Variants in TSHZ2 observed in about 807,000 individuals in gnomAD.
TSHZ2 encodes the protein teashirt zinc finger homeobox 2.
In TSHZ2, 21 loss-of-function variants were observed where a neutral mutation model predicts 74.4. The observed-to-expected ratio is 0.28, with a 90% CI of 0.20 to 0.41. The LOEUF is 0.41. TSHZ2 is among the 10% of genes least tolerant of loss of function. TSHZ2 has a pLI of 1.00. For missense variants in TSHZ2, 1,244 were observed against 1,293.5 expected, an observed-to-expected ratio of 0.96 and a Z score of 0.59; for synonymous variants, 540 against 515.3, an observed-to-expected ratio of 1.05 and a Z score of -0.65.
chr20:53,435,582 T>G (rs533840056), intron 2 of TSHZ2, among the ~76,000 whole-genome samples: 4 of 152,216 alleles, frequency 2.6e-5, no homozygotes, highest in Admixed American at 6.5e-5. Flanking sequence ...GGCGCGATCT[T>G]GGCTCACTGC....
At chr20:53,430,062 A>T (rs1346465434) in intron 2 of TSHZ2, among the ~76,000 whole-genome samples, 2 of 152,124 alleles carry the variant, frequency 1.3e-5, no homozygotes, top group African/African-American at 2.4e-5. Context: ...CCTACTATAT[A>T]TCTATGATTC....
chr20:53,372,433 C>T (rs1981509589), intron 2 of TSHZ2, among the ~76,000 whole-genome samples: 2 of 151,870 alleles, frequency 1.3e-5, no homozygotes, highest in Admixed American at 1.3e-4. Flanking sequence ...TCGGAGATCA[C>T]ACCACTACAC....
At chr20:53,218,239 G>A (rs1989479136) in intron 1 of TSHZ2, among the ~76,000 whole-genome samples, 1 of 152,190 alleles carries the variant, frequency 6.6e-6, no homozygotes, top group African/African-American at 2.4e-5. Flanking sequence ...AGCTTTCAAG[G>A]AACAGAGCTG....
At chr20:53,336,842 A>G (rs1247268806) in intron 2 of TSHZ2, among the ~76,000 whole-genome samples, 1 of 152,190 alleles carries the variant, frequency 6.6e-6, no homozygotes, top group Non-Finnish European at 1.5e-5. Context: ...GCATATACGT[A>G]TATGTGTGTA....
At chr20:53,375,696 T>C (rs1981634545) in intron 2 of TSHZ2, among the ~76,000 whole-genome samples, 1 of 152,202 alleles carries the variant, frequency 6.6e-6, no homozygotes, top group African/African-American at 2.4e-5. Context: ...GACCATCAGA[T>C]GGCCTATAAG....
At chr20:53,186,584 C>T (rs938661815) in intron 1 of TSHZ2, among the ~76,000 whole-genome samples, 3 of 152,208 alleles carry the variant, frequency 2.0e-5, no homozygotes, top group Non-Finnish European at 4.4e-5. Flanking sequence ...ATCCTCACCA[C>T]CTGTATTGTT....
At chr20:53,472,647 G>A (rs889428104) in intron 2 of TSHZ2, among the ~76,000 whole-genome samples, 3 of 152,058 alleles carry the variant, frequency 2.0e-5, no homozygotes, top group Non-Finnish European at 2.9e-5. Context: ...TCAGGGGGGA[G>A]GGAGGAGCCA....
chr20:53,245,724 C>CT (rs1172229071), intron 1 of TSHZ2, among the ~76,000 whole-genome samples: 7 of 152,202 alleles, frequency 4.6e-5, no homozygotes, highest in African/African-American at 1.7e-4. Flanking sequence ...ATCAACCCTA[C>CT]TTGAATAGTA....
At chr20:53,179,129 T>C (rs1988414197) in intron 1 of TSHZ2, 1 of 143,868 alleles carries the variant, frequency 7.0e-6, no homozygotes, top group Admixed American at 6.9e-5. Flanking sequence ...TCAACCTTTA[T>C]TGATACAAAT....
intron 2 of TSHZ2, among the ~76,000 whole-genome samples, chr20:53,465,194 T>G (rs1043205193): frequency 1.3e-5 from 2 of 152,226 alleles, no homozygotes; most frequent in African/African-American, 4.8e-5. Flanking sequence ...TAAGAACTCA[T>G]ATTTTGCCAC....
At chr20:53,096,465 G>A (rs1327861016) in intron 1 of TSHZ2, among the ~76,000 whole-genome samples, 1 of 152,188 alleles carries the variant, frequency 6.6e-6, no homozygotes, top group Non-Finnish European at 1.5e-5. Flanking sequence ...TAGTACAGGT[G>A]TGAGATTTCA....
chr20:53,036,061 C>T (rs1156485838), intron 1 of TSHZ2, among the ~76,000 whole-genome samples: 1 of 151,994 alleles, frequency 6.6e-6, no homozygotes, highest in Admixed American at 6.6e-5. Flanking sequence ...TAAAATTTTC[C>T]TCTAACTCAA....
At chr20:53,380,327 A>G (rs1233390100) in intron 2 of TSHZ2, among the ~76,000 whole-genome samples, 1 of 152,260 alleles carries the variant, frequency 6.6e-6, no homozygotes, top group Non-Finnish European at 1.5e-5. Flanking sequence ...AGAGTCTTAT[A>G]TAAAGCAAAA....
chr20:53,144,427 A>G (rs1987487613), intron 1 of TSHZ2, among the ~76,000 whole-genome samples: 1 of 152,194 alleles, frequency 6.6e-6, no homozygotes, highest in Non-Finnish European at 1.5e-5. Flanking sequence ...AGCAAGATGG[A>G]GTCAGTTAGG....
At chr20:53,471,496 A>G (rs1985797854) in intron 2 of TSHZ2, among the ~76,000 whole-genome samples, 2 of 152,240 alleles carry the variant, frequency 1.3e-5, no homozygotes, top group Non-Finnish European at 2.9e-5. Flanking sequence ...AGGACACTGC[A>G]AAAGGTTCAT....
chr20:53,412,230 G>A (rs980308538), intron 2 of TSHZ2, among the ~76,000 whole-genome samples: 3 of 152,146 alleles, frequency 2.0e-5, no homozygotes, highest in African/African-American at 4.8e-5. Context: ...AGAAGGGCTC[G>A]ATTCTTCTCT....
chr20:53,331,343 C>T (rs1171405789), intron 2 of TSHZ2, among the ~76,000 whole-genome samples: 1 of 152,158 alleles, frequency 6.6e-6, no homozygotes, highest in Non-Finnish European at 1.5e-5. Flanking sequence ...CTCCTGGACA[C>T]CAGAGGGTGT....
chr20:53,451,662 C>T (rs1234531627), intron 2 of TSHZ2, among the ~76,000 whole-genome samples: 1 of 152,182 alleles, frequency 6.6e-6, no homozygotes, highest in Non-Finnish European at 1.5e-5. Flanking sequence ...ACATACTCAC[C>T]AGCACACATG....
At chr20:53,485,265 G>A (rs2145861632) in intron 2 of TSHZ2, among the ~76,000 whole-genome samples, 1 of 152,296 alleles carries the variant, frequency 6.6e-6, no homozygotes, top group African/African-American at 2.4e-5. Context: ...AACATTAAAT[G>A]TCCAATATTA....
Sources: allele counts gnomAD v4.1 joint callset (sites outside exome capture counted in the v4.1 genomes callset), GRCh38; gene constraint gnomAD v4.1.1; transcripts MANE v1.5; gene names NCBI Gene and HGNC (gene_info 2026-07-23, HGNC 2026-07-21).